The following CDH1 variants were observed in gnomAD, a reference collection of about 807,000 sequenced individuals.
CDH1 encodes cadherin 1, also known as cadherin-1.
In CDH1, 35 loss-of-function variants were observed where a neutral mutation model predicts 84.5. The ratio of observed to expected loss-of-function variants is 0.41; its 90% CI spans 0.32 to 0.55. The LOEUF (loss-of-function observed/expected upper bound fraction) is 0.55, where lower values mean the gene tolerates loss of function less well. Among genes scored for constraint, CDH1 ranks in the 20% least tolerant of loss-of-function variants. The pLI, the probability that CDH1 is intolerant of heterozygous loss-of-function variation, is 0.19. For synonymous variants in CDH1, 417 were observed against 439.0 expected (o/e 0.95, Z 0.63); for missense variants, 994 against 1,126.6 (o/e 0.88, Z 1.68).
intron 9 of CDH1, 52 bp from the exon 10 acceptor site, chr16:68,815,463 C>T (rs907971134): frequency 3.1e-6 from 5 of 1,611,308 alleles, no homozygotes; most frequent in African/African-American, 2.7e-5. Context: ...TTTATTTTTA[C>T]TAACACAAAA....
chr16:68,803,045 A>G (rs151314482), intron 3 of CDH1, among the ~76,000 whole-genome samples: 252 of 152,222 alleles, frequency 1.7e-3, no homozygotes, highest in African/African-American at 5.0e-3. Flanking sequence ...CCAGTTTCTC[A>G]AGTGCTCCCG....
chr16:68,754,861 G>A (rs935793343), intron 2 of CDH1, among the ~76,000 whole-genome samples: 1 of 152,150 alleles, frequency 6.6e-6, no homozygotes, highest in Non-Finnish European at 1.5e-5. Flanking sequence ...GGTGATGTAT[G>A]GAAGAAAGAA....
Position 68,762,912 on chromosome 16 carries a change from C to CAAA in CDH1, c.163+24530_163+24532dup, listed in dbSNP as rs55899466. On this transcript the variant is annotated intron_variant, in intron 2 of 15. Transcript: ENST00000261769. ...TCGGCAACAGAGCAAGATTCCGTCT[C>CAAA]AAAAAAAAAAAAAAAAAAAAAAAAA... 9.9e-4 allele frequency among the ~76,000 whole-genome samples: 61 copies of CAAA among 61,478 alleles called. 2 individuals are homozygous for CAAA. The highest frequency in any genetic ancestry group is 0.013 in the Middle Eastern group (1 of 76). 40.3% of individuals were successfully genotyped at this position (61,478 alleles called of 152,430 possible). A position where few individuals can be genotyped will look rare whatever the true frequency, so the allele number is the denominator to read the frequency against.
Position 68,834,090 on chromosome 16 carries a change from G to A in CDH1, c.*591G>A, listed in dbSNP as rs908540454. On this transcript the variant is annotated 3_prime_UTR_variant, in exon 16 of 16. Transcript: ENST00000261769. ...TTGCACCTCAGCCTCCCAAGTAGCT[G>A]GGACCACAGGCATGCACCACTACGC... is the stretch of plus-strand genomic sequence containing the variant. 1.6e-5 allele frequency: 6 copies of A among 379,182 alleles called. No individual in the cohort carries two copies. Among genetic ancestry groups the A allele is most frequent in the Non-Finnish European group, 2.6e-5 (5 of 193,992 alleles). The allele number at this position is 379,182 out of a possible 1,614,324, so 23.5% of individuals were successfully genotyped here.
At chr16:68,802,282 G>T (rs1404768446) in intron 3 of CDH1, among the ~76,000 whole-genome samples, 1 of 152,190 alleles carries the variant, frequency 6.6e-6, no homozygotes, top group Non-Finnish European at 1.5e-5. Context: ...TACTACTTGG[G>T]TAATGTTGGA....
intron 2 of CDH1, among the ~76,000 whole-genome samples, chr16:68,790,408 A>G (rs1329492135): frequency 6.6e-6 from 1 of 152,280 alleles, no homozygotes. Context: ...GAGTTGCCCA[A>G]CCTGACCACA....
chr16:68,760,785 G>T (rs1049872181), intron 2 of CDH1, among the ~76,000 whole-genome samples: 14 of 152,240 alleles, frequency 9.2e-5, no homozygotes, highest in African/African-American at 2.9e-4. Flanking sequence ...ATTCAGGTGG[G>T]GTGGGACTGT....
chr16:68,758,090 G>A (rs1324438448), intron 2 of CDH1, among the ~76,000 whole-genome samples: 1 of 150,038 alleles, frequency 6.7e-6, no homozygotes, highest in Non-Finnish European at 1.5e-5. Flanking sequence ...CTGGGATTAC[G>A]GATGTGAGTT....
At chr16:68,798,884 A>G (rs756175618) in intron 2 of CDH1, among the ~76,000 whole-genome samples, 7 of 152,118 alleles carry the variant, frequency 4.6e-5, no homozygotes, top group Non-Finnish European at 7.4e-5. Flanking sequence ...AGGACTTGGC[A>G]TTTCTTCTTG....
chr16:68,800,926 A>G (rs934093024), intron 2 of CDH1, among the ~76,000 whole-genome samples: 2 of 152,180 alleles, frequency 1.3e-5, no homozygotes, highest in Admixed American at 6.5e-5. Context: ...TGTAAACTCA[A>G]TGAGAGCAGA....
At chr16:68,748,271 C>T (rs943156428) in intron 2 of CDH1, among the ~76,000 whole-genome samples, 1 of 151,878 alleles carries the variant, frequency 6.6e-6, no homozygotes, top group African/African-American at 2.4e-5. Flanking sequence ...CTACACCACA[C>T]CTGGCTAACT....
chr16:68,829,456 C>G (rs1277762671), intron 14 of CDH1, among the ~76,000 whole-genome samples, 198 bp from the exon 15 acceptor site: 1 of 152,138 alleles, frequency 6.6e-6, no homozygotes, highest in Non-Finnish European at 1.5e-5. Context: ...TACTCACAAT[C>G]CTTTGGGCCA....
Position 68,812,037 on chromosome 16 carries a change from C to T in CDH1, c.1009-98C>T, listed in dbSNP as rs2152132327. 1.9e-6 allele frequency: 3 copies of T among 1,577,166 alleles called. No individual in the cohort carries two copies. In the South Asian group the frequency reaches 3.3e-5, roughly 18 times the overall value. On this transcript the variant is annotated intron_variant, in intron 7 of 15. Coordinates refer to ENST00000261769, the MANE Select transcript of CDH1 (RefSeq NM_004360.5). ...AGAAGACAGGCAGGCTGGCATGAAG[C>T]ACATGGTTAAATATTCTGGTTCCAT...
intron 2 of CDH1, among the ~76,000 whole-genome samples, chr16:68,773,474 T>C (rs948576615): frequency 2.0e-5 from 3 of 152,104 alleles, no homozygotes; most frequent in Non-Finnish European, 4.4e-5. Context: ...TTTTTTTGTA[T>C]TTTTAGTACA....
rs1267605366 is a variant in CDH1, at chr16:68,810,231, C to G, written c.722C>G (p.Ala241Gly). The G allele has an allele frequency of 6.2e-7, 1 of 1,613,968 alleles. No homozygotes were observed. The highest frequency in any genetic ancestry group is 8.5e-7 in the Non-Finnish European group (1 of 1,179,980). The part of the protein sequence containing the change: ...FSHAVSSNGN[A>G]VEDPMEILIT... ...CACGCTGTGTCATCCAACGGGAATG[C>G]AGTTGAGGATCCAATGGAGATTTTG... is the stretch of plus-strand genomic sequence containing the variant. Residue 241 changes from alanine to glycine, a missense_variant, in exon 6 of 16, where the codon GCA becomes GGA. Ala to Gly is a moderately conservative substitution (Grantham distance 60, BLOSUM62 0). Around this residue, in one of 3 missense-constraint regions of CDH1, gnomAD observed 769 missense variants for 881.8 expected, o/e 0.87. Coordinates refer to ENST00000261769, the MANE Select transcript of CDH1 (RefSeq NM_004360.5).
rs786202794 is a variant in CDH1, at chr16:68,801,874, A to G, written c.368A>G (p.His123Arg). The change falls in exon 3 of 16, where the codon CAC (histidine) becomes CGC (arginine). Residue 123 changes from histidine to arginine, a missense_variant. Around this residue, in one of 3 missense-constraint regions of CDH1, gnomAD observed 203 missense variants for 194.0 expected, o/e 1.05. Coordinates refer to ENST00000261769, the MANE Select transcript of CDH1 (RefSeq NM_004360.5). ...ACGCTGAATACAGTGGGGCACCACC[A>G]CCGCCCCCCGCCCCATCAGGTATGT... Reference protein sequence around the residue: ...KVTLNTVGHHHRPPPHQASVS... With the variant: ...KVTLNTVGHHRRPPPHQASVS... 4 of 1,613,712 alleles carry G rather than the reference A, an allele frequency of 2.5e-6. No homozygotes were observed. The highest frequency in any genetic ancestry group is 3.4e-6 in the Non-Finnish European group (4 of 1,179,862).
chr16:68,748,846 G>A (rs1240258183), intron 2 of CDH1, among the ~76,000 whole-genome samples: 1 of 152,110 alleles, frequency 6.6e-6, no homozygotes, highest in East Asian at 1.9e-4. Context: ...TTTTGTTTTT[G>A]TTTTTGTTTT....
intron 2 of CDH1, among the ~76,000 whole-genome samples, chr16:68,786,884 G>A (rs1437865073): frequency 2.6e-5 from 4 of 152,174 alleles, no homozygotes; most frequent in Non-Finnish European, 5.9e-5. Context: ...CTCTTGGGCT[G>A]TTTGAGTTTT....
chr16:68,755,140 A>G (rs1364102862), intron 2 of CDH1, among the ~76,000 whole-genome samples: 2 of 151,920 alleles, frequency 1.3e-5, no homozygotes, highest in Non-Finnish European at 2.9e-5. Context: ...AGCCAGGTGT[A>G]GTGGCATATG....
Sources: gnomAD v4.1 joint callset for allele counts (sites outside exome capture counted in the v4.1 genomes callset) on GRCh38, gnomAD v4.1.1 for gene constraint, gnomAD v4.1.1 regional missense constraint, MANE v1.5 for transcripts, NCBI Gene and HGNC (gene_info 2026-07-23, HGNC 2026-07-21) for gene names.